The following RNF216 variants were observed in gnomAD, a reference collection of about 807,000 sequenced individuals.
The protein encoded by RNF216 is ring finger protein 216, also known as E3 ubiquitin-protein ligase RNF216.
RNF216 carries 72 observed loss-of-function variants against 110.8 expected under a neutral mutation model. The observed-to-expected ratio is 0.65, with a 90% CI of 0.54 to 0.79. The LOEUF (loss-of-function observed/expected upper bound fraction) is 0.79. Among genes scored for constraint, RNF216 ranks in the 30% least tolerant of loss-of-function variants. RNF216 has a pLI of 0.00. For missense variants in RNF216, 1,342 were observed against 1,141.2 expected (o/e 1.18, Z -2.54); for synonymous variants, 495 against 407.5 (o/e 1.21, Z -2.59).
chr7:5,692,938 C>A (rs1791421592), intron 13 of RNF216, among the ~76,000 whole-genome samples: 1 of 152,224 alleles, frequency 6.6e-6, no homozygotes, highest in South Asian at 2.1e-4. Flanking sequence ...TCTATCCTTC[C>A]AAATAGATTT....
chr7:5,760,101 T>C (rs1211169388), intron 2 of RNF216, among the ~76,000 whole-genome samples: 3 of 152,218 alleles, frequency 2.0e-5, no homozygotes, highest in Admixed American at 6.5e-5. Context: ...ATTTTTTTCC[T>C]TTTAGCCCAA....
chr7:5,688,387 A>G (rs1791116936), intron 13 of RNF216, among the ~76,000 whole-genome samples: 1 of 152,142 alleles, frequency 6.6e-6, no homozygotes, highest in African/African-American at 2.4e-5. Flanking sequence ...GCCCAGCTAC[A>G]CCTCTTTTCT....
chr7:5,623,993 C>T, intron 16 of RNF216, 63 bp downstream of exon 16: 4 of 1,440,044 alleles, frequency 2.8e-6, no homozygotes, highest in Non-Finnish European at 2.9e-6. Context: ...CTCAGGGAGG[C>T]CAGCAGAAGC....
chr7:5,621,073 CA>C lies in RNF216; in HGVS notation c.*1786del, dbSNP rs1481499433. 7 of 152,292 alleles carry C rather than the reference CA, an allele frequency of 4.6e-5. No homozygotes were observed. Among genetic ancestry groups the C allele is most frequent in the Non-Finnish European group, 1.0e-4 (7 of 68,122 alleles). 9.4% of individuals were successfully genotyped at this position (152,292 alleles called of 1,614,324 possible). ...CAAGGACATAGCAGCAGGCTGCCCC[CA>C]AGCCCGGCCTCCCTGCGCACCCTTA... On this transcript the variant is annotated 3_prime_UTR_variant, in exon 17 of 17. Coordinates refer to ENST00000389902, the MANE Select transcript of RNF216 (RefSeq NM_207111.4).
At chr7:5,655,323 C>G (rs1242375885) in intron 13 of RNF216, among the ~76,000 whole-genome samples, 1 of 152,196 alleles carries the variant, frequency 6.6e-6, no homozygotes, top group African/African-American at 2.4e-5. Flanking sequence ...GAGAACATAT[C>G]TGAAACGTCT....
intron 13 of RNF216, among the ~76,000 whole-genome samples, chr7:5,691,092 C>T (rs1791308368): frequency 6.6e-6 from 1 of 152,188 alleles, no homozygotes; most frequent in Non-Finnish European, 1.5e-5. Context: ...GTTGATCTGC[C>T]ATGTTTTTAA....
intron 9 of RNF216, among the ~76,000 whole-genome samples, chr7:5,719,955 G>C (rs1793313341): frequency 1.3e-5 from 2 of 152,186 alleles, no homozygotes; most frequent in South Asian, 4.1e-4. Context: ...ATATTGAAAA[G>C]ATGTTTCCAA....
At chr7:5,660,542 G>T (rs1410774006) in intron 13 of RNF216, among the ~76,000 whole-genome samples, 2 of 151,682 alleles carry the variant, frequency 1.3e-5, no homozygotes, top group Admixed American at 1.3e-4. Context: ...CACCCATCTC[G>T]GCCTCCCAAA....
At chr7:5,771,439 AT>A (rs1382582964) in intron 1 of RNF216, among the ~76,000 whole-genome samples, 1 of 152,196 alleles carries the variant, frequency 6.6e-6, no homozygotes, top group East Asian at 1.9e-4. Context: ...CACCAAAGAA[AT>A]TCAGAATGAA....
intron 10 of RNF216, among the ~76,000 whole-genome samples, chr7:5,716,299 C>G (rs1259526799): frequency 1.3e-5 from 2 of 151,990 alleles, no homozygotes; most frequent in African/African-American, 4.8e-5. Context: ...CACCTGAGGT[C>G]AGGAGTTCAA....
intron 15 of RNF216, among the ~76,000 whole-genome samples, chr7:5,633,149 T>G (rs1234100360): frequency 6.6e-6 from 1 of 151,928 alleles, no homozygotes; most frequent in Non-Finnish European, 1.5e-5. Context: ...CAGCTAATTT[T>G]TGTAGTTTTA....
At chr7:5,771,917 G>C (rs1272494123) in intron 1 of RNF216, among the ~76,000 whole-genome samples, 1 of 152,064 alleles carries the variant, frequency 6.6e-6, no homozygotes, top group Non-Finnish European at 1.5e-5. Context: ...CCAACATTAT[G>C]AGACATCAGA....
chr7:5,712,452 G>A (rs544822267), intron 12 of RNF216, among the ~76,000 whole-genome samples: 56 of 150,542 alleles, frequency 3.7e-4, no homozygotes, highest in African/African-American at 1.2e-3. Context: ...CAGCCTGGGC[G>A]ACAGAGCGAG....
At chr7:5,692,660 C>T (rs1293641217) in intron 13 of RNF216, among the ~76,000 whole-genome samples, 1 of 152,132 alleles carries the variant, frequency 6.6e-6, no homozygotes, top group African/African-American at 2.4e-5. Flanking sequence ...GCCTCCAGCC[C>T]GAGGCAAGGC....
rs1273827146 is a variant in RNF216, at chr7:5,712,740, C to T, written c.1957G>A (p.Ala653Thr). The T allele has an allele frequency of 6.2e-7, 1 of 1,614,090 alleles. No individual in the cohort carries two copies. Among genetic ancestry groups the T allele is most frequent in the Admixed American group, 1.7e-5 (1 of 60,016 alleles). ...CTGACAAGCTCGTCGGCGTAGGCTG[C>T]CGCAACCTCCTCCTCGGCTTTTCGC... is the stretch of plus-strand genomic sequence containing the variant. Reference protein sequence around the residue: ...YERKAEEEVAAAYADELVRCP... With the variant: ...YERKAEEEVATAYADELVRCP... The change falls in exon 12 of 17, where the codon GCA becomes ACA. Residue 653 changes from alanine to threonine, a missense_variant. Ala to Thr is a moderately conservative substitution (Grantham distance 58, BLOSUM62 0). Coordinates refer to ENST00000389902, the MANE Select transcript of RNF216 (RefSeq NM_207111.4).
intron 13 of RNF216, among the ~76,000 whole-genome samples, chr7:5,664,865 G>A (rs573985828): frequency 1.6e-4 from 25 of 152,006 alleles, no homozygotes; most frequent in Non-Finnish European, 3.4e-4. Flanking sequence ...GCACAATCTT[G>A]GCTCACCGCA....
At position 5,623,145 on chromosome 7, in the gene RNF216, C is replaced by T; in HGVS notation, c.2487G>A (p.Glu829=). The change falls in exon 17 of 17, where the codon GAG becomes GAA. Residue 829 remains glutamate (E), a synonymous_variant. Transcript: ENST00000389902. ...NTFKRIGPPL[E]KPVEKVQRVE... is the part of the protein sequence containing the mutation. ...CCCTCTGCACCTTCTCCACAGGCTT[C>T]TCCAGCGGGGGTCCAATGCGTTTGA... The T allele has an allele frequency of 6.3e-7, 1 of 1,584,760 alleles. No individual in the cohort carries two copies. Among genetic ancestry groups the T allele is most frequent in the Non-Finnish European group, 8.6e-7 (1 of 1,159,882 alleles).
intron 2 of RNF216, among the ~76,000 whole-genome samples, chr7:5,757,269 T>G (rs2128667800): frequency 6.6e-6 from 1 of 152,338 alleles, no homozygotes; most frequent in African/African-American, 2.4e-5. Context: ...GCTTTGTATA[T>G]TTTCCTATCA....
intron 14 of RNF216, among the ~76,000 whole-genome samples, chr7:5,641,996 G>A (rs557718479): frequency 7.3e-6 from 1 of 137,338 alleles, no homozygotes; most frequent in Non-Finnish European, 1.5e-5. Context: ...CCGTGTCACT[G>A]CACCCCAGCC....
Sources: allele counts gnomAD v4.1 joint callset (sites outside exome capture counted in the v4.1 genomes callset), GRCh38; gene constraint gnomAD v4.1.1; transcripts MANE v1.5; gene names NCBI Gene and HGNC (gene_info 2026-07-23, HGNC 2026-07-21).